Variants in SERP2 observed in about 807,000 individuals in gnomAD.
SERP2 encodes the protein stress associated endoplasmic reticulum protein family member 2.
In SERP2, 6 loss-of-function variants were observed where a neutral mutation model predicts 9.1. The ratio of observed to expected loss-of-function variants is 0.66; its 90% CI spans 0.36 to 1.30. The LOEUF is 1.30. Among genes scored for constraint, SERP2 ranks in the 50% most tolerant of loss-of-function variants. The pLI, the probability that SERP2 is intolerant of heterozygous loss-of-function variation, is 0.03. For missense variants in SERP2, 58 were observed against 81.9 expected, an observed-to-expected ratio of 0.71 and a Z score of 1.13; for synonymous variants, 37 against 27.3, an observed-to-expected ratio of 1.35 and a Z score of -1.10.
chr13:44,382,113 T>A (rs1412984802), intron 2 of SERP2, among the ~76,000 whole-genome samples: 3 of 152,098 alleles, frequency 2.0e-5, no homozygotes, highest in African/African-American at 4.8e-5. Flanking sequence ...TATGACTTTT[T>A]TTTTTATTCT....
At chr13:44,376,495 G>A (rs1440892138) in intron 1 of SERP2, among the ~76,000 whole-genome samples, 1 of 152,124 alleles carries the variant, frequency 6.6e-6, no homozygotes, top group African/African-American at 2.4e-5. Context: ...ACAAGGCCGG[G>A]CGTGGTGGCT....
chr13:44,389,687 C>T (rs554953949), intron 2 of SERP2, among the ~76,000 whole-genome samples: 3 of 152,280 alleles, frequency 2.0e-5, no homozygotes, highest in African/African-American at 7.2e-5. Flanking sequence ...AGCAGCCCCC[C>T]TGGATAGATA....
chr13:44,383,789 GA>G (rs1473764280), intron 2 of SERP2, among the ~76,000 whole-genome samples: 4 of 150,180 alleles, frequency 2.7e-5, no homozygotes, highest in African/African-American at 9.8e-5. Flanking sequence ...TTGACCTCAT[GA>G]TCCGCCCACC....
chr13:44,379,188 G>C (rs923318105), intron 1 of SERP2, among the ~76,000 whole-genome samples: 1 of 152,142 alleles, frequency 6.6e-6, no homozygotes, highest in African/African-American at 2.4e-5. Flanking sequence ...TTGAATCCCA[G>C]CTCTTGCTCA....
At chr13:44,377,131 A>G (rs544566137) in intron 1 of SERP2, among the ~76,000 whole-genome samples, 3 of 152,356 alleles carry the variant, frequency 2.0e-5, no homozygotes, top group East Asian at 3.9e-4. Flanking sequence ...AAAGTCCCCA[A>G]ATCATGTTGA....
chr13:44,390,093 T>G (rs1215277043), intron 2 of SERP2, among the ~76,000 whole-genome samples: 3 of 152,248 alleles, frequency 2.0e-5, no homozygotes, highest in African/African-American at 7.2e-5. Context: ...AGAAGTTGTA[T>G]GGAGCAAAAG....
chr13:44,394,382 C>A (rs1872962182), intron 2 of SERP2, among the ~76,000 whole-genome samples: 1 of 152,192 alleles, frequency 6.6e-6, no homozygotes, highest in Non-Finnish European at 1.5e-5. Context: ...CTTGGCCTCC[C>A]AAAGTGCTGA....
intron 2 of SERP2, among the ~76,000 whole-genome samples, chr13:44,392,196 C>CAAAAAAAAAAAAGAAAAAA (rs1872816732): frequency 2.8e-5 from 1 of 35,980 alleles, no homozygotes. Context: ...GACTCTGTCT[C>CAAAAAAAAAAAAGAAAAAA]AAAAAAAAAA....
intron 2 of SERP2, among the ~76,000 whole-genome samples, chr13:44,390,086 AG>A (rs1872544739): frequency 6.6e-6 from 1 of 152,224 alleles, no homozygotes; most frequent in African/African-American, 2.4e-5. Flanking sequence ...TTTCCCTAGA[AG>A]TTGTATGGAG....
chr13:44,373,679 GC>G, upstream of SERP2: 1 of 277,436 alleles, frequency 3.6e-6, no homozygotes, highest in Non-Finnish European at 6.7e-6. The surrounding 1 kb of genome is among the most constrained non-coding windows in gnomAD (Gnocchi z 4.8). Context: ...ACACTGCAGG[GC>G]CCCGGCTCTG....
intron 2 of SERP2, chr13:44,390,437 C>A (rs1872585143): frequency 2.2e-6 from 1 of 456,546 alleles, no homozygotes. Context: ...TCACCCCACC[C>A]CCAAGACCGG....
chr13:44,392,876 C>T (rs985020775), intron 2 of SERP2, among the ~76,000 whole-genome samples: 3 of 151,960 alleles, frequency 2.0e-5, no homozygotes, highest in Non-Finnish European at 4.4e-5. Context: ...GAAGAAAGAA[C>T]GTAAGGAGAA....
At chr13:44,381,562 G>A (rs1053141258) in intron 2 of SERP2, among the ~76,000 whole-genome samples, 1 of 152,214 alleles carries the variant, frequency 6.6e-6, no homozygotes, top group African/African-American at 2.4e-5. Flanking sequence ...TATAGCATTT[G>A]CAACTGCAGA....
At chr13:44,382,896 G>A (rs1040394175) in intron 2 of SERP2, among the ~76,000 whole-genome samples, 6 of 152,220 alleles carry the variant, frequency 3.9e-5, no homozygotes, top group Admixed American at 6.5e-5. Flanking sequence ...AGCGCACTGC[G>A]ATAGTGACAG....
At chr13:44,380,549 A>T (rs1416551334) in intron 2 of SERP2, among the ~76,000 whole-genome samples, 3 of 151,102 alleles carry the variant, frequency 2.0e-5, no homozygotes, top group East Asian at 1.9e-4. Flanking sequence ...CATGAAAATT[A>T]AAAAAAAAAT....
intron 2 of SERP2, among the ~76,000 whole-genome samples, chr13:44,380,017 A>T (rs566061853): frequency 4.6e-5 from 7 of 152,326 alleles, no homozygotes; most frequent in Admixed American, 4.6e-4. Context: ...GGGCATTAGA[A>T]CAGAAGGTGA....
At chr13:44,379,757 C>A (rs1028683801) in intron 2 of SERP2, 44 bp downstream of exon 2, 16 of 1,381,102 alleles carry the variant, frequency 1.2e-5, no homozygotes, top group Admixed American at 4.1e-5. Context: ...TCTCCACTGG[C>A]CTTTGAAAAA....
Position 44,395,712 on chromosome 13 carries a change from C to A in SERP2, c.158-1560C>A, listed in dbSNP as rs561604885. ...ACAAGTTGTTGGACCAACACCTTCA[C>A]CATATCTACAGATGAGTCCCTGACA... On this transcript the variant is annotated intron_variant, in intron 2 of 2. Coordinates refer to ENST00000379179, the MANE Select transcript of SERP2 (RefSeq NM_001010897.3). The A allele has an allele frequency of 1.2e-3, 468 of 402,624 alleles. 1 individual carries two copies. Among genetic ancestry groups the A allele is most frequent in the Non-Finnish European group, 1.2e-3 (237 of 200,768 alleles). 24.9% of individuals were successfully genotyped at this position (402,624 alleles called of 1,614,324 possible). A position where few individuals can be genotyped will look rare whatever the true frequency, so the allele number is the denominator to read the frequency against.
At position 44,373,834 on chromosome 13, in the gene SERP2, G is replaced by A; in HGVS notation, c.-192G>A. 3.8e-6 allele frequency: 2 copies of A among 531,066 alleles called. No homozygotes were observed. Among genetic ancestry groups the A allele is most frequent in the Non-Finnish European group, 6.6e-6 (2 of 302,592 alleles). The allele number at this position is 531,066 out of a possible 1,614,324, so 32.9% of individuals were successfully genotyped here. On this transcript the variant is annotated 5_prime_UTR_variant, in exon 1 of 3. Coordinates refer to ENST00000379179, the MANE Select transcript of SERP2 (RefSeq NM_001010897.3). The surrounding 1 kb of genome is among the most constrained non-coding windows in gnomAD (Gnocchi z 4.8). ...CTGAGATGAGAGATTACTTCCGTCC[G>A]GGCTGCGGCCTCTCTCTGGAGTCGG...
Sources: allele counts gnomAD v4.1 joint callset (sites outside exome capture counted in the v4.1 genomes callset), GRCh38; gene constraint gnomAD v4.1.1; non-coding constraint Gnocchi (gnomAD v3.1); transcripts MANE v1.5; gene names NCBI Gene and HGNC (gene_info 2026-07-23, HGNC 2026-07-21).